CCSER1: variants seen among roughly 807,000 people sequenced by gnomAD.
CCSER1 encodes coiled-coil serine rich protein 1.
A neutral mutation model predicts 82.0 loss-of-function variants in CCSER1; 41 were observed. That is an observed-to-expected ratio of 0.50 (90% CI 0.39 to 0.65). The LOEUF is 0.65. Ranked by LOEUF, CCSER1 falls within the 30% of genes least tolerant of loss-of-function variation. CCSER1 has a pLI of 0.00. For synonymous variants in CCSER1, 414 were observed against 383.9 expected (o/e 1.08, Z -0.92); for missense variants, 1,119 against 1,064.2 (o/e 1.05, Z -0.72).
At chr4:91,390,743 C>T (rs1053188118) in intron 10 of CCSER1, among the ~76,000 whole-genome samples, 2 of 151,866 alleles carry the variant, frequency 1.3e-5, no homozygotes, top group African/African-American at 4.8e-5. Flanking sequence ...TATTGGTTAC[C>T]GATTCAACTT....
At chr4:91,560,384 A>G (rs17018621) in intron 10 of CCSER1, among the ~76,000 whole-genome samples, 5,769 of 151,612 alleles carry the variant, frequency 0.038, 200 homozygotes, top group South Asian at 0.16. Flanking sequence ...TGTCTGAAAC[A>G]TAGTGGGTGA....
At chr4:90,391,680 T>C (rs1362902560) in intron 3 of CCSER1, among the ~76,000 whole-genome samples, 1 of 150,722 alleles carries the variant, frequency 6.6e-6, no homozygotes, top group Non-Finnish European at 1.5e-5. Flanking sequence ...TAAATGAGAG[T>C]TGAGGAACTA....
At chr4:90,882,401 G>A (rs1402658551) in intron 8 of CCSER1, among the ~76,000 whole-genome samples, 1 of 151,858 alleles carries the variant, frequency 6.6e-6, no homozygotes, top group Non-Finnish European at 1.5e-5. Flanking sequence ...AGAACATAGA[G>A]AGCCAAGACA....
At chr4:90,945,855 A>G (rs1420306882) in intron 9 of CCSER1, among the ~76,000 whole-genome samples, 3 of 152,136 alleles carry the variant, frequency 2.0e-5, no homozygotes, top group Non-Finnish European at 4.4e-5. Flanking sequence ...GGGTTGTTCT[A>G]AAAGTTTTAC....
intron 8 of CCSER1, among the ~76,000 whole-genome samples, chr4:90,848,234 G>T (rs1763440920): frequency 6.6e-6 from 1 of 152,078 alleles, no homozygotes; most frequent in Non-Finnish European, 1.5e-5. Context: ...TTTGTACCCT[G>T]GTTTTGTGGA....
chr4:90,386,542 C>A (rs28472641), intron 3 of CCSER1, among the ~76,000 whole-genome samples: 55,472 of 151,836 alleles, frequency 0.37, 10,654 homozygotes, highest in African/African-American at 0.47. Flanking sequence ...CATAAAATAC[C>A]CTAAAAATTC....
intron 10 of CCSER1, among the ~76,000 whole-genome samples, chr4:91,410,256 T>G (rs1752944846): frequency 6.6e-6 from 1 of 152,210 alleles, no homozygotes; most frequent in African/African-American, 2.4e-5. Context: ...AAATTTCACT[T>G]CTTATATTCA....
At chr4:91,126,191 A>G (rs1326684385) in intron 10 of CCSER1, among the ~76,000 whole-genome samples, 1 of 151,880 alleles carries the variant, frequency 6.6e-6, no homozygotes, top group Non-Finnish European at 1.5e-5. Context: ...TAGGAAATGC[A>G]TAAGATTTAA....
chr4:91,546,042 G>A (rs1578751867), intron 10 of CCSER1, among the ~76,000 whole-genome samples: 1 of 151,916 alleles, frequency 6.6e-6, no homozygotes, highest in Admixed American at 6.6e-5. Context: ...TGATATAATT[G>A]TGTAATTTTT....
intron 10 of CCSER1, among the ~76,000 whole-genome samples, chr4:91,166,780 C>T (rs973855859): frequency 1.7e-4 from 26 of 152,142 alleles, no homozygotes; most frequent in East Asian, 5.8e-4. Flanking sequence ...GAAAGATTTA[C>T]GTGTAAACAA....
At chr4:90,961,316 A>G (rs992144084) in intron 9 of CCSER1, among the ~76,000 whole-genome samples, 4 of 152,106 alleles carry the variant, frequency 2.6e-5, no homozygotes, top group Middle Eastern at 3.2e-3. Context: ...TCTCCTATTC[A>G]TAGGTAAAAT....
chr4:90,927,217 C>T (rs1347477731), intron 9 of CCSER1, among the ~76,000 whole-genome samples: 1 of 151,846 alleles, frequency 6.6e-6, no homozygotes, highest in Non-Finnish European at 1.5e-5. Flanking sequence ...TCAGATAATG[C>T]CTGAAATTGA....
chr4:90,766,845 AC>A lies in CCSER1; in HGVS notation c.2010+42855del, dbSNP rs1751317411. On this transcript the variant is annotated intron_variant, in intron 7 of 10. Coordinates refer to ENST00000509176, the MANE Select transcript of CCSER1 (RefSeq NM_001145065.2). ...AGTAGGGACACTGTAAAGATATAAA[AC>A]ATATATGACATCTAAGAACCCTTAA... 3.3e-5 allele frequency among the ~76,000 whole-genome samples: 5 copies of A among 152,190 alleles called. No individual in the cohort carries two copies. The South Asian group carries it at 8.3e-4, about 25-fold the overall frequency.
intron 10 of CCSER1, among the ~76,000 whole-genome samples, chr4:91,578,867 A>G (rs1763588428): frequency 1.3e-5 from 2 of 151,948 alleles, no homozygotes; most frequent in African/African-American, 4.8e-5. Context: ...TTACAGAAGT[A>G]CCCACTAGTG....
chr4:90,322,159 A>G (rs1365952188), intron 3 of CCSER1, among the ~76,000 whole-genome samples: 1 of 152,150 alleles, frequency 6.6e-6, no homozygotes, highest in Non-Finnish European at 1.5e-5. Context: ...ATTTTTATAT[A>G]TGGCAAGAGA....
intron 10 of CCSER1, among the ~76,000 whole-genome samples, chr4:91,388,873 T>C (rs935695582): frequency 2.0e-5 from 3 of 152,060 alleles, no homozygotes; most frequent in Non-Finnish European, 4.4e-5. Flanking sequence ...GGTTTGAAAA[T>C]GCCTGTGTAT....
chr4:91,376,711 T>G (rs1348202470), intron 10 of CCSER1, among the ~76,000 whole-genome samples: 3 of 152,218 alleles, frequency 2.0e-5, no homozygotes, highest in Non-Finnish European at 1.5e-5. Context: ...TTTGATGTTG[T>G]GAAGAAAAAG....
intron 5 of CCSER1, among the ~76,000 whole-genome samples, chr4:90,551,704 CTCTATATATATA>C: frequency 9.3e-6 from 1 of 107,574 alleles, no homozygotes; most frequent in Non-Finnish European, 1.8e-5. Flanking sequence ...CTCTCTCTCT[CTCTATATATATA>C]TATATATATA....
intron 7 of CCSER1, among the ~76,000 whole-genome samples, chr4:90,751,391 G>A (rs1451185537): frequency 6.6e-6 from 1 of 152,018 alleles, no homozygotes; most frequent in African/African-American, 2.4e-5. Context: ...AAGTATCTTT[G>A]TTCTTATTCA....
Sources: allele counts gnomAD v4.1 joint callset (sites outside exome capture counted in the v4.1 genomes callset), GRCh38; gene constraint gnomAD v4.1.1; transcripts MANE v1.5; gene names NCBI Gene and HGNC (gene_info 2026-07-23, HGNC 2026-07-21).